The following LZTFL1 variants were observed in gnomAD, a reference collection of about 807,000 sequenced individuals.
The protein encoded by LZTFL1 is leucine zipper transcription factor like 1, also known as leucine zipper transcription factor-like protein 1.
Under a neutral mutation model 45.9 loss-of-function variants are expected in LZTFL1, and 25 were observed. The ratio of observed to expected loss-of-function variants is 0.54; its 90% CI spans 0.40 to 0.76. The LOEUF (loss-of-function observed/expected upper bound fraction) is 0.76. Ranked by LOEUF, LZTFL1 falls within the 30% of genes least tolerant of loss-of-function variation. LZTFL1 has a pLI of 0.00. For missense variants in LZTFL1, 277 were observed against 331.1 expected (o/e 0.84, Z 1.27); for synonymous variants, 93 against 117.4 (o/e 0.79, Z 1.35).
In LZTFL1 at chr3:45,905,654, G is replaced by C. The variant is rs1575310882; in HGVS notation, c.-215+7466C>G. Among the ~76,000 whole-genome samples the C allele has an allele frequency of 3.3e-5, 5 of 152,348 alleles. No homozygotes were observed. In the South Asian group the frequency reaches 1.0e-3, roughly 32 times the overall value. On this transcript the variant is annotated intron_variant, in intron 2 of 4. Transcript: ENST00000472635. ...CCTGCCCAAGCCAGGCCTTCCCAGG[G>C]TCACCTGTCTCTGGTGCCTGTGAGA...
Position 45,842,113 on chromosome 3 carries a change from A to G in LZTFL1, c.-122T>C. The G allele has an allele frequency of 6.5e-7, 1 of 1,543,234 alleles. No individual in the cohort carries two copies. Among genetic ancestry groups the G allele is most frequent in the Non-Finnish European group, 8.7e-7 (1 of 1,147,646 alleles). On this transcript the variant is annotated 5_prime_UTR_variant, in exon 1 of 10. Coordinates refer to ENST00000296135, the MANE Select transcript of LZTFL1 (RefSeq NM_020347.4). ...GGGGAAGGAGGGTAGGTTGTTTAGA[A>G]GCCTCTGGTTGCTAACGGAAACCGA... is the stretch of plus-strand genomic sequence containing the variant.
chr3:45,841,914 C>G (rs1252145462), intron 1 of LZTFL1, 75 bp downstream of exon 1: 2 of 1,564,270 alleles, frequency 1.3e-6, no homozygotes, highest in African/African-American at 2.7e-5. Flanking sequence ...ATTCCGGGCC[C>G]ACCCGCTCAG....
chr3:45,906,559 T>C (rs1220002354), intron 2 of LZTFL1, among the ~76,000 whole-genome samples: 2 of 152,210 alleles, frequency 1.3e-5, no homozygotes, highest in Admixed American at 6.5e-5. Context: ...TCACTGACCA[T>C]GTCATGCAAA....
upstream of LZTFL1, among the ~76,000 whole-genome samples, chr3:45,844,382 T>C (rs1701185469): frequency 1.3e-5 from 2 of 151,848 alleles, no homozygotes; most frequent in Non-Finnish European, 2.9e-5. Flanking sequence ...ACTATAAATT[T>C]TGGGGGGATG....
intron 2 of LZTFL1, among the ~76,000 whole-genome samples, chr3:45,884,902 C>T (rs1701939394): frequency 6.6e-6 from 1 of 152,192 alleles, no homozygotes; most frequent in Admixed American, 6.5e-5. Context: ...GCCAGAGCAT[C>T]TGGCTGGTTC....
chr3:45,831,528 C>T (rs893383848), intron 5 of LZTFL1, among the ~76,000 whole-genome samples: 1 of 152,196 alleles, frequency 6.6e-6, no homozygotes, highest in African/African-American at 2.4e-5. Context: ...TCCTTCACTT[C>T]AGTACCATGC....
At chr3:45,888,700 A>ATT (rs1227673655) in intron 2 of LZTFL1, among the ~76,000 whole-genome samples, 1 of 152,142 alleles carries the variant, frequency 6.6e-6, no homozygotes, top group Non-Finnish European at 1.5e-5. Flanking sequence ...TTTCCCCCCT[A>ATT]TATTTTTCCC....
At chr3:45,865,036 C>A (rs1701554851) in intron 2 of LZTFL1, among the ~76,000 whole-genome samples, 1 of 152,176 alleles carries the variant, frequency 6.6e-6, no homozygotes, top group Non-Finnish European at 1.5e-5. Context: ...AATGTGATGG[C>A]AGAGCTGTCA....
At chr3:45,858,609 C>T (rs1701431670) in intron 3 of LZTFL1, among the ~76,000 whole-genome samples, 1 of 152,116 alleles carries the variant, frequency 6.6e-6, no homozygotes, top group African/African-American at 2.4e-5. Context: ...AATGAGCAAC[C>T]TCAATGCTTT....
chr3:45,841,972 G>C lies in LZTFL1; in HGVS notation c.3+17C>G. ...CTCTCCTGTGCGCGGTGCGGCGCCT[G>C]AGGGTCGGTTACTCACCATGGCGGC... On this transcript the variant is annotated intron_variant, in intron 1 of 9. Transcript: ENST00000296135. 2 of 1,611,306 alleles carry C rather than the reference G, an allele frequency of 1.2e-6. No homozygotes were observed. Among genetic ancestry groups the C allele is most frequent in the South Asian group, 2.2e-5 (2 of 90,840 alleles).
intron 7 of LZTFL1, among the ~76,000 whole-genome samples, chr3:45,829,631 A>G (rs1376389442): frequency 6.8e-6 from 1 of 147,700 alleles, no homozygotes; most frequent in African/African-American, 2.5e-5. Flanking sequence ...AAAAAAAAAA[A>G]GTACTTTCAA....
chr3:45,825,068 G>A lies in LZTFL1; in HGVS notation c.*1246C>T, dbSNP rs1488503716. The A allele has an allele frequency of 2.5e-6, 1 of 392,772 alleles. No homozygotes were observed. The highest frequency in any genetic ancestry group is 2.1e-5 in the African/African-American group (1 of 48,436). The allele number at this position is 392,772 out of a possible 1,614,324, so 24.3% of individuals were successfully genotyped here. A position where few individuals can be genotyped will look rare whatever the true frequency, so the allele number is the denominator to read the frequency against. ...CTATAAGAAAAATAATAAATTCAAGGCTATTACTAAAAGCTTGAATAAAAA... is the reference window on the plus strand; with the variant it reads ...CTATAAGAAAAATAATAAATTCAAGACTATTACTAAAAGCTTGAATAAAAA... On this transcript the variant is annotated 3_prime_UTR_variant, in exon 10 of 10. Transcript: ENST00000296135.
upstream of LZTFL1, chr3:45,842,207 C>A: frequency 7.0e-7 from 1 of 1,420,300 alleles, no homozygotes; most frequent in South Asian, 1.4e-5. Context: ...ATTGCGTAAC[C>A]GGTTGACTGC....
chr3:45,847,010 A>T (rs1246465623), upstream of LZTFL1, among the ~76,000 whole-genome samples: 1 of 152,168 alleles, frequency 6.6e-6, no homozygotes, highest in Admixed American at 6.5e-5. Flanking sequence ...ATTCTTCCAG[A>T]TTGTCTAATG....
At chr3:45,836,056 A>G (rs1365008250) in intron 2 of LZTFL1, among the ~76,000 whole-genome samples, 1 of 152,152 alleles carries the variant, frequency 6.6e-6, no homozygotes, top group Non-Finnish European at 1.5e-5. Context: ...TACTTTTTTA[A>G]CTTTTTAGTA....
intron 2 of LZTFL1, among the ~76,000 whole-genome samples, chr3:45,892,697 A>G (rs750888086): frequency 6.6e-6 from 1 of 152,292 alleles, no homozygotes; most frequent in South Asian, 2.1e-4. Context: ...AAACCTGCAC[A>G]TATACCCCTG....
intron 2 of LZTFL1, among the ~76,000 whole-genome samples, chr3:45,880,261 T>C (rs1006710448): frequency 6.6e-5 from 10 of 152,216 alleles, no homozygotes; most frequent in African/African-American, 2.2e-4. Flanking sequence ...CCCAGCACTT[T>C]GGGAGGCCGA....
intron 1 of LZTFL1, among the ~76,000 whole-genome samples, chr3:45,841,526 C>CCG (rs1553613146): frequency 1.3e-5 from 2 of 152,150 alleles, no homozygotes; most frequent in East Asian, 1.9e-4. Flanking sequence ...CCTCTGGTTA[C>CCG]CGCGCGCGCG....
At chr3:45,859,275 G>T (rs1049525268) in intron 2 of LZTFL1, among the ~76,000 whole-genome samples, 4 of 152,242 alleles carry the variant, frequency 2.6e-5, no homozygotes, top group Non-Finnish European at 5.9e-5. Flanking sequence ...TCCCAGGCTT[G>T]AGTGCAGTGG....
Sources: gnomAD v4.1 joint callset for allele counts (sites outside exome capture counted in the v4.1 genomes callset) on GRCh38, gnomAD v4.1.1 for gene constraint, MANE v1.5 for transcripts, NCBI Gene and HGNC (gene_info 2026-07-23, HGNC 2026-07-21) for gene names.